The following SLC13A3 variants were observed in gnomAD, a reference collection of about 807,000 sequenced individuals.
SLC13A3 encodes solute carrier family 13 member 3.
SLC13A3 carries 40 observed loss-of-function variants against 59.0 expected under a neutral mutation model. The ratio of observed to expected loss-of-function variants is 0.68; its 90% CI spans 0.53 to 0.88. The LOEUF is 0.88. Ranked by LOEUF, SLC13A3 falls within the 40% of genes least tolerant of loss-of-function variation. SLC13A3 has a pLI of 0.00. For missense variants in SLC13A3, 699 were observed against 783.2 expected (o/e 0.89, Z 1.28); for synonymous variants, 317 against 330.3 (o/e 0.96, Z 0.44).
chr20:46,652,118 A>C (rs968443956), upstream of SLC13A3, among the ~76,000 whole-genome samples: 6 of 152,366 alleles, frequency 3.9e-5, no homozygotes, highest in African/African-American at 1.4e-4. Flanking sequence ...ACAGAGGATC[A>C]GGAAAAATAA....
intron 1 of SLC13A3, among the ~76,000 whole-genome samples, chr20:46,666,238 C>T (rs2063061763): frequency 6.6e-6 from 1 of 152,202 alleles, no homozygotes; most frequent in Non-Finnish European, 1.5e-5. Context: ...TCCTGTGTCA[C>T]TTTTCTTCAA....
At chr20:46,656,707 A>G (rs1282286723) in intron 1 of SLC13A3, among the ~76,000 whole-genome samples, 2 of 151,538 alleles carry the variant, frequency 1.3e-5, no homozygotes, top group African/African-American at 4.8e-5. Context: ...GAATAATTTT[A>G]TGTCCCACTT....
chr20:46,644,370 G>C (rs991450818), intron 1 of SLC13A3, among the ~76,000 whole-genome samples: 2 of 152,140 alleles, frequency 1.3e-5, no homozygotes, highest in Admixed American at 1.3e-4. Flanking sequence ...CTCCAGATGA[G>C]AAAACTGAGG....
intron 1 of SLC13A3, among the ~76,000 whole-genome samples, chr20:46,668,637 A>G (rs2063074167): frequency 6.6e-6 from 1 of 152,248 alleles, no homozygotes; most frequent in African/African-American, 2.4e-5. Context: ...AGCTAAGGTC[A>G]TTGATGAAGA....
intron 10 of SLC13A3, among the ~76,000 whole-genome samples, chr20:46,574,174 G>A (rs1036427685): frequency 5.9e-5 from 9 of 152,148 alleles, no homozygotes; most frequent in African/African-American, 2.2e-4. Flanking sequence ...AGTCATATTC[G>A]ATTCACGAAG....
chr20:46,560,223 A>G (rs1273681615), intron 12 of SLC13A3, 25 bp from the exon 13 acceptor site: 2 of 1,612,110 alleles, frequency 1.2e-6, no homozygotes, highest in Admixed American at 1.7e-5. Context: ...AGACAGAGGG[A>G]GGGGTCAGCA....
At chr20:46,673,069 G>A (rs1408594056), upstream of SLC13A3, among the ~76,000 whole-genome samples, 1 of 152,136 alleles carries the variant, frequency 6.6e-6, no homozygotes, top group Non-Finnish European at 1.5e-5. Context: ...TGTGCACCTG[G>A]TGGGCTCATA....
intron 1 of SLC13A3, among the ~76,000 whole-genome samples, chr20:46,630,957 C>T (rs2062730201): frequency 1.3e-5 from 2 of 152,132 alleles, no homozygotes; most frequent in African/African-American, 4.8e-5. Context: ...TAACCACTGA[C>T]CCAGTGATTG....
chr20:46,590,344 A>G (rs2122672468), intron 6 of SLC13A3, among the ~76,000 whole-genome samples: 1 of 152,300 alleles, frequency 6.6e-6, no homozygotes, highest in African/African-American at 2.4e-5. Context: ...AAAAATTAAA[A>G]CAATTCTGCA....
At position 46,560,205 on chromosome 20, in the gene SLC13A3, T is replaced by TA; in HGVS notation, c.1633-8dup. 1 of 1,613,874 alleles carries TA rather than the reference T, an allele frequency of 6.2e-7. No homozygotes were observed. On this transcript the variant is annotated splice_polypyrimidine_tract_variant and splice_region_variant and intron_variant, in intron 12 of 12. Transcript: ENST00000279027. ...TCAGGAGGCCTGTCCGCACCTGAAA[T>TA]AGAGCCCAGACAGAGGGAGGGGTCA...
Position 46,562,386 on chromosome 20 carries a change from G to A in SLC13A3, c.1632+1028C>T, listed in dbSNP as rs73132208. On this transcript the variant is annotated intron_variant, in intron 12 of 12. Transcript: ENST00000279027. Reference sequence around the variant, plus strand: ...TCCTCTCTTCCAGGCCTTTGTACCTGCTGTGCCCTCCATTGGGACTGCTCT... The same window carrying A: ...TCCTCTCTTCCAGGCCTTTGTACCTACTGTGCCCTCCATTGGGACTGCTCT... Among the ~76,000 whole-genome samples the A allele has an allele frequency of 4.5e-3, 691 of 152,172 alleles. 5 individuals are homozygous for A. The highest frequency in any genetic ancestry group is 7.5e-3 in the Non-Finnish European group (509 of 68,012).
intron 1 of SLC13A3, among the ~76,000 whole-genome samples, chr20:46,614,044 G>A (rs2062530758): frequency 6.6e-6 from 1 of 152,232 alleles, no homozygotes; most frequent in Non-Finnish European, 1.5e-5. Flanking sequence ...AGATAAAGAC[G>A]AGAATGAAAA....
At chr20:46,569,016 C>T (rs563431510) in intron 10 of SLC13A3, among the ~76,000 whole-genome samples, 1 of 152,342 alleles carries the variant, frequency 6.6e-6, no homozygotes, top group South Asian at 2.1e-4. Flanking sequence ...CAGAGCCTCA[C>T]ATTGTCACCC....
At chr20:46,616,820 C>A (rs964480789) in intron 1 of SLC13A3, among the ~76,000 whole-genome samples, 3 of 152,334 alleles carry the variant, frequency 2.0e-5, no homozygotes, top group Non-Finnish European at 4.4e-5. Context: ...GCCACCTCAG[C>A]CTTCTTAGGC....
At chr20:46,683,090 T>G (rs1247222260) in intron 1 of SLC13A3, among the ~76,000 whole-genome samples, 1 of 152,180 alleles carries the variant, frequency 6.6e-6, no homozygotes, top group Non-Finnish European at 1.5e-5. Flanking sequence ...TCTTGATACT[T>G]GCAAAGATCA....
chr20:46,581,251 T>C (rs2062134021), intron 9 of SLC13A3, among the ~76,000 whole-genome samples: 1 of 152,202 alleles, frequency 6.6e-6, no homozygotes, highest in Non-Finnish European at 1.5e-5. Context: ...GAGAAAGCCC[T>C]GGGCATTGTG....
intron 1 of SLC13A3, among the ~76,000 whole-genome samples, chr20:46,616,942 T>A (rs1443031770): frequency 6.6e-6 from 1 of 152,160 alleles, no homozygotes; most frequent in Non-Finnish European, 1.5e-5. Context: ...TCCTCTTGAG[T>A]CTTGGCTCCT....
In SLC13A3 at chr20:46,563,310, T is replaced by TG. The variant is rs1239696305; in HGVS notation, c.1632+103dup. On this transcript the variant is annotated intron_variant, in intron 12 of 12. Transcript: ENST00000279027. ...CACTCAGAAAGATCTATTCAGAGAC[T>TG]GGGGAGTGGGGTCAGCGTGCAGGAG... 3 of 1,328,984 alleles carry TG rather than the reference T, an allele frequency of 2.3e-6. No homozygotes were observed. In the African/African-American group the frequency reaches 4.4e-5, roughly 20 times the overall value. 82.3% of individuals were successfully genotyped at this position (1,328,984 alleles called of 1,614,324 possible). A position where few individuals can be genotyped will look rare whatever the true frequency, so the allele number is the denominator to read the frequency against.
At chr20:46,618,166 C>T (rs2062580954) in intron 1 of SLC13A3, among the ~76,000 whole-genome samples, 1 of 150,776 alleles carries the variant, frequency 6.6e-6, no homozygotes, top group African/African-American at 2.5e-5. Context: ...ACTTGGCATT[C>T]AAGGTTTGGT....
Sources: gnomAD v4.1 joint callset for allele counts (sites outside exome capture counted in the v4.1 genomes callset) on GRCh38, gnomAD v4.1.1 for gene constraint, MANE v1.5 for transcripts, NCBI Gene and HGNC (gene_info 2026-07-23, HGNC 2026-07-21) for gene names.